Variants in HS3ST3A1 observed in about 807,000 individuals in gnomAD.
HS3ST3A1 encodes the protein heparan sulfate-glucosamine 3-sulfotransferase 3A1.
HS3ST3A1 carries 19 observed loss-of-function variants against 25.7 expected under a neutral mutation model. The observed-to-expected ratio is 0.74, with a 90% CI of 0.52 to 1.08. HS3ST3A1 has a LOEUF of 1.08. HS3ST3A1 is among the 50% of genes least tolerant of loss of function. HS3ST3A1 has a pLI of 0.00. For synonymous variants in HS3ST3A1, 226 were observed against 278.6 expected (o/e 0.81, Z 1.88); for missense variants, 459 against 594.3 (o/e 0.77, Z 2.37).
At chr17:13,508,552 G>C (rs1325792560) in intron 1 of HS3ST3A1, among the ~76,000 whole-genome samples, 1 of 152,136 alleles carries the variant, frequency 6.6e-6, no homozygotes, top group Non-Finnish European at 1.5e-5. Context: ...AAATAAACCA[G>C]TAACTTACAA....
intron 1 of HS3ST3A1, among the ~76,000 whole-genome samples, chr17:13,534,263 A>T (rs777242584): frequency 6.6e-6 from 1 of 152,140 alleles, no homozygotes; most frequent in Non-Finnish European, 1.5e-5. Context: ...TGGAACAAGT[A>T]CTCAAAAACG....
At chr17:13,557,711 C>G (rs945074897) in intron 1 of HS3ST3A1, among the ~76,000 whole-genome samples, 1 of 152,154 alleles carries the variant, frequency 6.6e-6, no homozygotes, top group Non-Finnish European at 1.5e-5. Flanking sequence ...AAGCTTGAAG[C>G]CATCTCCTCT....
At chr17:13,525,619 A>C (rs1344984044) in intron 1 of HS3ST3A1, among the ~76,000 whole-genome samples, 1 of 152,184 alleles carries the variant, frequency 6.6e-6, no homozygotes, top group Admixed American at 6.5e-5. Flanking sequence ...GTTTTCTCCC[A>C]TTTCATACTG....
intron 1 of HS3ST3A1, among the ~76,000 whole-genome samples, chr17:13,592,677 G>A (rs932889108): frequency 3.9e-5 from 6 of 152,188 alleles, no homozygotes; most frequent in Non-Finnish European, 7.3e-5. Flanking sequence ...TCTTGATGGC[G>A]TGGGTGTTGT....
Position 13,600,835 on chromosome 17 carries a change from G to A in HS3ST3A1, c.295C>T (p.Arg99Cys). The change falls in exon 1 of 2, where the codon CGC (arginine) becomes TGC (cysteine). Residue 99 changes from arginine to cysteine, a missense_variant. By Grantham distance (180) the Arg-to-Cys change is radical (BLOSUM62 -3). Coordinates refer to ENST00000284110, the MANE Select transcript of HS3ST3A1 (RefSeq NM_006042.3). Reference protein sequence around the residue: ...RLLQLPQWRRRRPPAPRDDGE... With the variant: ...RLLQLPQWRRCRPPAPRDDGE... ...TCGTCGCGGGGCGCGGGCGGCCGGC[G>A]CCTCCGCCACTGCGGCAGTTGCAGG... The A allele has an allele frequency of 2.8e-6, 4 of 1,418,942 alleles. No individual in the cohort carries two copies. Among genetic ancestry groups the A allele is most frequent in the Non-Finnish European group, 3.6e-6 (4 of 1,098,318 alleles). 87.9% of individuals were successfully genotyped at this position (1,418,942 alleles called of 1,614,324 possible).
intron 1 of HS3ST3A1, among the ~76,000 whole-genome samples, chr17:13,548,311 G>T (rs1208621984): frequency 6.6e-6 from 1 of 152,114 alleles, no homozygotes; most frequent in Non-Finnish European, 1.5e-5. Context: ...CTCACATGGA[G>T]GAGTCAGAGA....
intron 1 of HS3ST3A1, among the ~76,000 whole-genome samples, chr17:13,544,537 G>C (rs145904688): frequency 6.6e-6 from 1 of 152,156 alleles, no homozygotes; most frequent in African/African-American, 2.4e-5. Context: ...GCCCTGCGCC[G>C]TCTGGCACAG....
intron 1 of HS3ST3A1, among the ~76,000 whole-genome samples, chr17:13,568,025 G>A (rs2142370843): frequency 6.6e-6 from 1 of 152,284 alleles, no homozygotes; most frequent in African/African-American, 2.4e-5. Context: ...TTTCATGAAA[G>A]GAAGAGTGGA....
At chr17:13,528,630 C>T (rs1906511030) in intron 1 of HS3ST3A1, among the ~76,000 whole-genome samples, 1 of 152,084 alleles carries the variant, frequency 6.6e-6, no homozygotes, top group Non-Finnish European at 1.5e-5. Context: ...CTTCTAACTC[C>T]CTCTTAGGAT....
chr17:13,504,203 G>A (rs1043097755), intron 1 of HS3ST3A1, among the ~76,000 whole-genome samples: 1 of 152,134 alleles, frequency 6.6e-6, no homozygotes, highest in Non-Finnish European at 1.5e-5. Context: ...ACAAGTCCCA[G>A]CTACTCGGGA....
intron 1 of HS3ST3A1, among the ~76,000 whole-genome samples, chr17:13,499,949 C>G (rs965852891): frequency 3.9e-5 from 6 of 152,104 alleles, no homozygotes; most frequent in African/African-American, 1.4e-4. Flanking sequence ...TAAATAAATC[C>G]TAATCAAGCT....
At chr17:13,595,372 T>C (rs1908546303) in intron 1 of HS3ST3A1, among the ~76,000 whole-genome samples, 1 of 152,226 alleles carries the variant, frequency 6.6e-6, no homozygotes, top group Non-Finnish European at 1.5e-5. Context: ...AATTACTTAA[T>C]AACATTCCTC....
At chr17:13,552,626 TAC>T (rs1907274341) in intron 1 of HS3ST3A1, among the ~76,000 whole-genome samples, 1 of 152,156 alleles carries the variant, frequency 6.6e-6, no homozygotes, top group Admixed American at 6.5e-5. Context: ...TATACAGAAA[TAC>T]GTCTTTCTCC....
intron 1 of HS3ST3A1, among the ~76,000 whole-genome samples, chr17:13,556,767 G>T (rs564474618): frequency 6.6e-6 from 1 of 150,768 alleles, no homozygotes; most frequent in South Asian, 2.1e-4. Flanking sequence ...CAAGAGAATC[G>T]CTTGAAACCG....
intron 1 of HS3ST3A1, among the ~76,000 whole-genome samples, chr17:13,520,922 GA>G (rs1906214724): frequency 6.6e-6 from 1 of 152,084 alleles, no homozygotes; most frequent in Non-Finnish European, 1.5e-5. Flanking sequence ...TGGAAAACTG[GA>G]ACAATATCCT....
chr17:13,595,847 G>T (rs12949981), intron 1 of HS3ST3A1, among the ~76,000 whole-genome samples: 33 of 16,172 alleles, frequency 2.0e-3, no homozygotes, highest in Admixed American at 4.9e-3. Context: ...GGCCTTTTTG[G>T]TTGTTGTTGT....
At chr17:13,574,277 G>T in intron 1 of HS3ST3A1, among the ~76,000 whole-genome samples, 1 of 151,858 alleles carries the variant, frequency 6.6e-6, no homozygotes, top group East Asian at 2.0e-4. Context: ...GGGACTACAG[G>T]TGTGTGTCAC....
chr17:13,504,029 A>G (rs1905575603), intron 1 of HS3ST3A1, among the ~76,000 whole-genome samples: 1 of 152,210 alleles, frequency 6.6e-6, no homozygotes, highest in Admixed American at 6.5e-5. Context: ...AAAACCTGTG[A>G]GTGGGCTGGG....
At chr17:13,576,623 T>G (rs867324777) in intron 1 of HS3ST3A1, among the ~76,000 whole-genome samples, 2 of 152,204 alleles carry the variant, frequency 1.3e-5, no homozygotes, top group Admixed American at 6.5e-5. Flanking sequence ...CAAGAGTATA[T>G]GACTTTGTGG....
Sources: allele counts gnomAD v4.1 joint callset (sites outside exome capture counted in the v4.1 genomes callset), GRCh38; gene constraint gnomAD v4.1.1; transcripts MANE v1.5; gene names NCBI Gene and HGNC (gene_info 2026-07-23, HGNC 2026-07-21).